The following ZNF407 variants were observed in gnomAD, a reference collection of about 807,000 sequenced individuals.
ZNF407 encodes the protein zinc finger protein 407.
Under a neutral mutation model 131.2 loss-of-function variants are expected in ZNF407, and 17 were observed. The ratio of observed to expected loss-of-function variants is 0.13; its 90% CI spans 0.09 to 0.19. ZNF407 has a LOEUF of 0.19. ZNF407 is among the 10% of genes least tolerant of loss of function. The probability of loss-of-function intolerance (pLI) is 1.00; values close to 1 mark genes in which losing one functional copy is unlikely to be tolerated. For missense variants in ZNF407, 2,681 were observed against 2,830.6 expected (o/e 0.95, Z 1.20); for synonymous variants, 1,156 against 1,062.0 (o/e 1.09, Z -1.72).
intron 4 of ZNF407, among the ~76,000 whole-genome samples, chr18:74,812,381 T>C (rs1244141475): frequency 6.6e-6 from 1 of 152,210 alleles, no homozygotes; most frequent in Non-Finnish European, 1.5e-5. Flanking sequence ...CTACCTTCAA[T>C]GTAATCCCCC....
At chr18:74,864,459 G>C (rs1970982235) in intron 4 of ZNF407, among the ~76,000 whole-genome samples, 1 of 152,302 alleles carries the variant, frequency 6.6e-6, no homozygotes, top group African/African-American at 2.4e-5. Context: ...TCTGTGGCAT[G>C]ACCTCCTTCA....
At chr18:74,650,382 T>G (rs566240095) in intron 3 of ZNF407, among the ~76,000 whole-genome samples, 1 of 152,338 alleles carries the variant, frequency 6.6e-6, no homozygotes, top group African/African-American at 2.4e-5. Context: ...ATGCAAAGAC[T>G]GACAATTTCT....
In ZNF407 at chr18:74,634,912, A is replaced by C. The variant is rs374638323; in HGVS notation, c.3893A>C (p.Gln1298Pro). ...GHGLEDLKGV[Q>P]EDPVLGNKEI... ...GGTTTGGAAGACTTGAAAGGTGTCC[A>C]AGAAGATCCCGTTCTGGGGAATAAG... Residue 1298 changes from glutamine (Q) to proline (P), a missense_variant, in exon 2 of 9, where the codon CAA becomes CCA. By Grantham distance (76) the Gln-to-Pro change is moderately conservative. This residue lies in a region of ZNF407 where 1,789 missense variants were observed against 1,748.7 expected (regional missense o/e 1.02). Coordinates refer to ENST00000299687, the MANE Select transcript of ZNF407 (RefSeq NM_017757.3). 1.1e-4 allele frequency: 182 copies of C among 1,613,772 alleles called. No individual in the cohort carries two copies. The highest frequency in any genetic ancestry group is 8.2e-5 in the Non-Finnish European group (97 of 1,179,822).
intron 3 of ZNF407, among the ~76,000 whole-genome samples, chr18:74,679,985 T>G (rs185790663): frequency 2.7e-4 from 41 of 152,350 alleles, no homozygotes; most frequent in African/African-American, 8.2e-4. Flanking sequence ...GTCCTGTTTC[T>G]TTTACTTTTC....
rs917850112 is a variant in ZNF407, at chr18:74,635,470, C to T, written c.4451C>T (p.Ala1484Val). ...GTGGAGGAGCTTCCGGAGGGAGGGG[C>T]CACCTTTAAATGTGTCAAGTGCACA... is the stretch of plus-strand genomic sequence containing the variant. ...ASVEELPEGG[A>V]TFKCVKCTEP... The change falls in exon 2 of 9, where the codon GCC becomes GTC. Residue 1484 changes from alanine (A) to valine (V), a missense_variant. Around this residue, in one of 6 missense-constraint regions of ZNF407, gnomAD observed 213 missense variants for 332.2 expected, o/e 0.64. Coordinates refer to ENST00000299687, the MANE Select transcript of ZNF407 (RefSeq NM_017757.3). The surrounding 1 kb of genome is among the most constrained non-coding windows in gnomAD (Gnocchi z 4.7). 6.2e-7 allele frequency: 1 copy of T among 1,612,778 alleles called. No homozygotes were observed.
intron 8 of ZNF407, among the ~76,000 whole-genome samples, chr18:75,021,677 A>G (rs1052239125): frequency 2.0e-5 from 3 of 152,160 alleles, no homozygotes; most frequent in Admixed American, 6.6e-5. Context: ...GACAGAGTCT[A>G]TTTAGAACCT....
At chr18:74,850,787 G>C (rs942892452) in intron 4 of ZNF407, among the ~76,000 whole-genome samples, 1 of 152,032 alleles carries the variant, frequency 6.6e-6, no homozygotes, top group Admixed American at 6.6e-5. Flanking sequence ...ACTGACCTTC[G>C]TGTTCCGTAT....
At chr18:74,725,140 C>T (rs1968127437) in intron 3 of ZNF407, among the ~76,000 whole-genome samples, 1 of 151,934 alleles carries the variant, frequency 6.6e-6, no homozygotes, top group East Asian at 1.9e-4. Flanking sequence ...TTAAGTATGC[C>T]TTTTTTTTCT....
chr18:74,640,926 A>G lies in ZNF407; in HGVS notation c.4688-82A>G, dbSNP rs941452351. ...AATTCTTAATTAGGTTAAAGGTATG[A>G]TTTAAGATTTAGTCCTCTTTTCTAA... On this transcript the variant is annotated intron_variant, in intron 2 of 8. Transcript: ENST00000299687. The G allele has an allele frequency of 4.8e-6, 5 of 1,044,306 alleles. No individual in the cohort carries two copies. The African/African-American group carries it at 7.9e-5, about 16-fold the overall frequency. 64.7% of individuals were successfully genotyped at this position (1,044,306 alleles called of 1,614,324 possible). A position where few individuals can be genotyped will look rare whatever the true frequency, so the allele number is the denominator to read the frequency against.
At chr18:74,857,117 G>C (rs748459590) in intron 4 of ZNF407, among the ~76,000 whole-genome samples, 35 of 152,192 alleles carry the variant, frequency 2.3e-4, no homozygotes, top group Non-Finnish European at 4.3e-4. Context: ...TTACTGCCTT[G>C]TAATAAGAGT....
At position 74,859,288 on chromosome 18, in the gene ZNF407, A is replaced by G. The variant is rs544163886; in HGVS notation, c.4878-17909A>G. 2.0e-5 allele frequency among the ~76,000 whole-genome samples: 3 copies of G among 152,366 alleles called. No individual in the cohort carries two copies. In the South Asian group the frequency reaches 6.2e-4, roughly 32 times the overall value. ...CTTTGTGATTCCCAAAACTGTTTCTATCACAGTTCATTAATGCTGGTGTCT... is the reference window on the plus strand; with the variant it reads ...CTTTGTGATTCCCAAAACTGTTTCTGTCACAGTTCATTAATGCTGGTGTCT... On this transcript the variant is annotated intron_variant, in intron 4 of 8. Coordinates refer to ENST00000299687, the MANE Select transcript of ZNF407 (RefSeq NM_017757.3).
At chr18:74,809,313 C>T (rs977888419) in intron 4 of ZNF407, among the ~76,000 whole-genome samples, 6 of 152,210 alleles carry the variant, frequency 3.9e-5, no homozygotes, top group African/African-American at 1.2e-4. Flanking sequence ...GTTATTGTCA[C>T]TCTCAGCATC....
chr18:74,899,429 G>T (rs1971494263), intron 7 of ZNF407, among the ~76,000 whole-genome samples: 1 of 152,148 alleles, frequency 6.6e-6, no homozygotes, highest in African/African-American at 2.4e-5. Context: ...GGGTGTGCTG[G>T]TCAGGGCTGC....
chr18:74,779,800 A>G (rs1969561614), intron 3 of ZNF407, among the ~76,000 whole-genome samples: 1 of 152,054 alleles, frequency 6.6e-6, no homozygotes, highest in Non-Finnish European at 1.5e-5. Flanking sequence ...CTAAGTTCCC[A>G]TCTCTTAATT....
intron 1 of ZNF407, among the ~76,000 whole-genome samples, chr18:74,613,529 G>A (rs1983154626): frequency 6.6e-6 from 1 of 152,146 alleles, no homozygotes; most frequent in South Asian, 2.1e-4. Flanking sequence ...TAGTAGAATC[G>A]GCACCTCACT....
intron 3 of ZNF407, among the ~76,000 whole-genome samples, chr18:74,719,624 C>T (rs1383209092): frequency 6.6e-6 from 1 of 152,138 alleles, no homozygotes; most frequent in Non-Finnish European, 1.5e-5. Context: ...AGGATGATCT[C>T]GATCTCCTGA....
chr18:75,002,803 T>TA (rs1972863251), intron 8 of ZNF407, among the ~76,000 whole-genome samples: 1 of 19,588 alleles, frequency 5.1e-5, no homozygotes, highest in African/African-American at 1.4e-4. Context: ...AGACTCCGGC[T>TA]CAAAAAAAAA....
chr18:74,763,195 C>CTT (rs1568203707), intron 3 of ZNF407, among the ~76,000 whole-genome samples: 45 of 5,800 alleles, frequency 7.8e-3, no homozygotes, highest in Admixed American at 0.023. Context: ...CTTCTTAGGA[C>CTT]CTTTTTTTTT....
chr18:74,837,762 C>T (rs1207071780), intron 4 of ZNF407, among the ~76,000 whole-genome samples: 1 of 152,090 alleles, frequency 6.6e-6, no homozygotes, highest in African/African-American at 2.4e-5. Context: ...AAGCAGTCCT[C>T]CCACCTCAGC....
Sources: gnomAD v4.1 joint callset for allele counts (sites outside exome capture counted in the v4.1 genomes callset) on GRCh38, gnomAD v4.1.1 for gene constraint, gnomAD v4.1.1 regional missense constraint, Gnocchi (gnomAD v3.1) non-coding constraint, MANE v1.5 for transcripts, NCBI Gene and HGNC (gene_info 2026-07-23, HGNC 2026-07-21) for gene names.